Variants in PDHX observed in about 807,000 individuals in gnomAD.
The protein encoded by PDHX is pyruvate dehydrogenase complex component X.
In PDHX, 33 loss-of-function variants were observed where a neutral mutation model predicts 55.3. That is an observed-to-expected ratio of 0.60 (90% confidence interval 0.45 to 0.80). The LOEUF is 0.80. Ranked by LOEUF, PDHX falls within the 30% of genes least tolerant of loss-of-function variation. The pLI, the probability that PDHX is intolerant of heterozygous loss-of-function variation, is 0.00. For synonymous variants in PDHX, 226 were observed against 219.4 expected (o/e 1.03, Z -0.27); for missense variants, 622 against 619.9 (o/e 1.00, Z -0.04).
At position 34,962,286 on chromosome 11, in the gene PDHX, G is replaced by A. The variant is rs185830533; in HGVS notation, c.641+1768G>A. ...GGTAATGAATACTTGAATGTGGTTA[G>A]AAGAACTAAAAGGGAGATCCCTGAT... On this transcript the variant is annotated intron_variant, in intron 5 of 10. Transcript: ENST00000227868. Among the ~76,000 whole-genome samples the A allele has an allele frequency of 1.2e-3, 186 of 152,298 alleles. No homozygotes were observed. In the Middle Eastern group the frequency reaches 0.014, roughly 11 times the overall value.
At chr11:34,990,604 CTT>C (rs759590894) in intron 9 of PDHX, among the ~76,000 whole-genome samples, 33 of 152,072 alleles carry the variant, frequency 2.2e-4, no homozygotes, top group Admixed American at 7.2e-4. Context: ...ATATATGTGT[CTT>C]TTCAAATCAT....
intron 1 of PDHX, among the ~76,000 whole-genome samples, chr11:34,929,575 G>A (rs756414187): frequency 2.2e-4 from 33 of 152,202 alleles, no homozygotes; most frequent in Non-Finnish European, 4.1e-4. Flanking sequence ...TGCTCACATG[G>A]ATCTGATATG....
At chr11:34,935,144 T>C (rs541079752) in intron 2 of PDHX, among the ~76,000 whole-genome samples, 96 of 152,078 alleles carry the variant, frequency 6.3e-4, no homozygotes, top group African/African-American at 2.1e-3. Flanking sequence ...TTACCACTTT[T>C]GTATAATTCA....
At chr11:34,931,767 A>G (rs1364735228) in intron 2 of PDHX, among the ~76,000 whole-genome samples, 1 of 151,562 alleles carries the variant, frequency 6.6e-6, no homozygotes, top group African/African-American at 2.4e-5. Flanking sequence ...TTTAGTTTCA[A>G]CATCATAGTT....
chr11:34,982,242 C>T (rs1341740346), intron 8 of PDHX, among the ~76,000 whole-genome samples: 1 of 152,136 alleles, frequency 6.6e-6, no homozygotes, highest in African/African-American at 2.4e-5. Flanking sequence ...TTCCCAGCAC[C>T]ATTTATTAAA....
At chr11:34,938,146 C>T (rs1158309262) in intron 2 of PDHX, among the ~76,000 whole-genome samples, 1 of 152,102 alleles carries the variant, frequency 6.6e-6, no homozygotes. Flanking sequence ...AATTTGTGAA[C>T]AGAAGGACGA....
chr11:34,995,416 T>A lies in PDHX; in HGVS notation c.*244T>A. Reference sequence around the variant, plus strand: ...AATATTTGGTTACTCAGATCCATTTTTAACCTCTGGTGCTGTATAAAGGGA... The same window carrying A: ...AATATTTGGTTACTCAGATCCATTTATAACCTCTGGTGCTGTATAAAGGGA... On this transcript the variant is annotated 3_prime_UTR_variant, in exon 11 of 11. Coordinates refer to ENST00000227868, the MANE Select transcript of PDHX (RefSeq NM_003477.3). 2.1e-6 allele frequency: 1 copy of A among 472,996 alleles called. No homozygotes were observed. The highest frequency in any genetic ancestry group is 3.9e-6 in the Non-Finnish European group (1 of 258,892). 29.3% of individuals were successfully genotyped at this position (472,996 alleles called of 1,614,324 possible). A position where few individuals can be genotyped will look rare whatever the true frequency, so the allele number is the denominator to read the frequency against.
chr11:34,954,598 T>G (rs1225114420), intron 3 of PDHX, among the ~76,000 whole-genome samples: 1 of 152,232 alleles, frequency 6.6e-6, no homozygotes, highest in Admixed American at 6.5e-5. Flanking sequence ...TGCTAAGCCT[T>G]TAAGCATGAA....
intron 9 of PDHX, among the ~76,000 whole-genome samples, chr11:34,991,256 GCTATAGGATCAAGAACCA>G (rs1855751861): frequency 1.3e-5 from 2 of 152,124 alleles, no homozygotes; most frequent in African/African-American, 4.8e-5. Flanking sequence ...AAATGATTTA[GCTATAGGATCAAGAACCA>G]AAAGAAGTCT....
chr11:34,987,519 A>AAG (rs758650554), intron 9 of PDHX, among the ~76,000 whole-genome samples: 2 of 151,002 alleles, frequency 1.3e-5, no homozygotes, highest in Non-Finnish European at 3.0e-5. Context: ...GTGTATGTGT[A>AAG]AGAGAGAGAG....
chr11:34,929,292 G>A (rs1400978217), intron 1 of PDHX, among the ~76,000 whole-genome samples: 1 of 152,182 alleles, frequency 6.6e-6, no homozygotes, highest in East Asian at 1.9e-4. Flanking sequence ...CTGGAGTGCA[G>A]TGATCTTGGC....
At chr11:34,952,104 A>C (rs1033108718) in intron 3 of PDHX, among the ~76,000 whole-genome samples, 1 of 152,202 alleles carries the variant, frequency 6.6e-6, no homozygotes, top group Non-Finnish European at 1.5e-5. Context: ...GAAATGGATA[A>C]ATTCCTCGAC....
chr11:34,916,353 T>C, upstream of PDHX: 1 of 1,589,298 alleles, frequency 6.3e-7, no homozygotes, highest in Non-Finnish European at 8.6e-7. Flanking sequence ...TAGCCTGGGA[T>C]ACGGCAGCGA....
At chr11:34,948,975 C>T (rs1456830358) in intron 3 of PDHX, among the ~76,000 whole-genome samples, 1 of 152,154 alleles carries the variant, frequency 6.6e-6, no homozygotes, top group Non-Finnish European at 1.5e-5. Flanking sequence ...TAATACATTT[C>T]AAATTGCTAA....
chr11:34,994,798 A>G (rs1273117314), intron 10 of PDHX, 116 bp from the exon 11 acceptor site: 12 of 1,055,710 alleles, frequency 1.1e-5, no homozygotes, highest in Admixed American at 3.7e-5. Flanking sequence ...CATTACTCAT[A>G]TATTTTTTTC....
chr11:34,981,468 C>T (rs1855512417), intron 8 of PDHX, among the ~76,000 whole-genome samples: 1 of 152,124 alleles, frequency 6.6e-6, no homozygotes, highest in African/African-American at 2.4e-5. Context: ...CATATGTGTG[C>T]ATGTGTCTTT....
At chr11:34,935,626 A>G (rs1249743365) in intron 2 of PDHX, among the ~76,000 whole-genome samples, 7 of 152,162 alleles carry the variant, frequency 4.6e-5, no homozygotes, top group Non-Finnish European at 8.8e-5. Flanking sequence ...TATCAGGTTA[A>G]ACTATTGTGG....
intron 6 of PDHX, among the ~76,000 whole-genome samples, chr11:34,968,277 A>AG (rs1855178455): frequency 6.6e-6 from 1 of 151,328 alleles, no homozygotes; most frequent in South Asian, 2.1e-4. Flanking sequence ...AAAAAAAAAA[A>AG]GTTATTCAAA....
At position 34,933,834 on chromosome 11, in the gene PDHX, T is replaced by C. The variant is rs541014134; in HGVS notation, c.241+2350T>C. Among the ~76,000 whole-genome samples, 10 of 152,184 alleles carry C rather than the reference T, an allele frequency of 6.6e-5. No individual in the cohort carries two copies. The East Asian group carries it at 1.9e-3, about 29-fold the overall frequency. ...CTCAGGAGCCAGAGATGAGATAGTTTGAGGATCACTAAGGATAATAAGGAT... is the reference window on the plus strand; with the variant it reads ...CTCAGGAGCCAGAGATGAGATAGTTCGAGGATCACTAAGGATAATAAGGAT... On this transcript the variant is annotated intron_variant, in intron 2 of 10. Transcript: ENST00000227868.
Sources: gnomAD v4.1 joint callset for allele counts (sites outside exome capture counted in the v4.1 genomes callset) on GRCh38, gnomAD v4.1.1 for gene constraint, MANE v1.5 for transcripts, NCBI Gene and HGNC (gene_info 2026-07-23, HGNC 2026-07-21) for gene names.